ITIH3: variants seen among roughly 807,000 people sequenced by gnomAD.
ITIH3 encodes the protein inter-alpha-trypsin inhibitor heavy chain 3.
A neutral mutation model predicts 96.5 loss-of-function variants in ITIH3; 81 were observed. The ratio of observed to expected loss-of-function variants is 0.84; its 90% CI spans 0.70 to 1.01. ITIH3 has a LOEUF of 1.01. Ranked by LOEUF, ITIH3 falls within the 50% of genes least tolerant of loss-of-function variation. The pLI is 0.00. For synonymous variants in ITIH3, 422 were observed against 445.2 expected (o/e 0.95, Z 0.66); for missense variants, 1,057 against 1,139.3 (o/e 0.93, Z 1.04).
intron 21 of ITIH3, 89 bp from the exon 22 acceptor site, chr3:52,808,463 A>G: frequency 6.5e-7 from 1 of 1,548,996 alleles, no homozygotes; most frequent in Non-Finnish European, 8.9e-7. Flanking sequence ...AGAATTGCCA[A>G]CTTCCCACCC....
At chr3:52,800,711 G>A in intron 10 of ITIH3, 48 bp downstream of exon 10, 1 of 1,581,022 alleles carries the variant, frequency 6.3e-7, no homozygotes, top group Non-Finnish European at 8.6e-7. Context: ...GTGCTTGGCT[G>A]CTGCTCCTGG....
At chr3:52,799,527 T>C (rs777335823) in intron 8 of ITIH3, 39 bp downstream of exon 8, 5 of 1,453,622 alleles carry the variant, frequency 3.4e-6, no homozygotes, top group Admixed American at 2.2e-5. Flanking sequence ...CTCGGGGTAG[T>C]AGGGGGTGGA....
In ITIH3 at chr3:52,803,967, G is replaced by A. The variant is rs748408001; in HGVS notation, c.1822G>A (p.Asp608Asn). 4 of 1,613,708 alleles carry A rather than the reference G, an allele frequency of 2.5e-6. No homozygotes were observed. The highest frequency in any genetic ancestry group is 3.4e-6 in the Non-Finnish European group (4 of 1,179,840). Residue 608 changes from aspartate (D) to asparagine (N), a missense_variant, in exon 14 of 22, where the codon GAC becomes AAC. Transcript: ENST00000449956. ...CTCAATGGTGGTGACCAAGCCTGAG[G>A]ACAACGAGGATGAGAGGGCCATTGC... The part of the protein sequence containing the change: ...LTSMVVTKPE[D>N]NEDERAIADK...
chr3:52,799,472 G>A lies in ITIH3; in HGVS notation c.890G>A (p.Gly297Asp). The A allele has an allele frequency of 2.5e-6, 4 of 1,609,956 alleles. No homozygotes were observed. The highest frequency in any genetic ancestry group is 3.4e-6 in the Non-Finnish European group (4 of 1,178,358). The change falls in exon 8 of 22, where the codon GGT (glycine) becomes GAT (aspartate). Residue 297 changes from glycine (G) to aspartate (D), a missense_variant. Coordinates refer to ENST00000449956, the MANE Select transcript of ITIH3 (RefSeq NM_002217.4). The part of the protein sequence containing the change: ...FVIDISGSMA[G>D]RKLEQTKEAL... ...ATTGACATCAGCGGCTCCATGGCTG[G>A]TCGGAAATTAGAGCAGGTAATCAGC...
At position 52,808,110 on chromosome 3, in the gene ITIH3, G is replaced by C. The variant is rs1479733836; in HGVS notation, c.2432G>C (p.Gly811Ala). 2 of 1,613,964 alleles carry C rather than the reference G, an allele frequency of 1.2e-6. No homozygotes were observed. Residue 811 changes from glycine to alanine, a missense_variant and splice_region_variant, in exon 21 of 22, where the codon GGG becomes GCG. Coordinates refer to ENST00000449956, the MANE Select transcript of ITIH3 (RefSeq NM_002217.4). ...ACAGCATGAATATTTTTCTTCCCAG[G>C]GCAATTCTTCCAACCCTTTGACTTT... ...RMSAQTHGLLGQFFQPFDFKV... is the reference protein window; with the variant it reads ...RMSAQTHGLLAQFFQPFDFKV...
At chr3:52,802,548 C>T (rs1699877394) in intron 12 of ITIH3, 29 bp downstream of exon 12, 1 of 1,612,358 alleles carries the variant, frequency 6.2e-7, no homozygotes, top group African/African-American at 1.3e-5. Flanking sequence ...TGGAAGTGTG[C>T]TGGGGATGGG....
At position 52,806,308 on chromosome 3, in the gene ITIH3, A is replaced by G. The variant is rs1172299203; in HGVS notation, c.1958A>G (p.His653Arg). 1.9e-6 allele frequency: 3 copies of G among 1,613,648 alleles called. No homozygotes were observed. The African/African-American group carries it at 4.0e-5, about 22-fold the overall frequency. ...GTGTCACCAGTGGACGGGGATCCCC[A>G]CTTCATCATCCAAATTCCGGAGAAA... Reference protein sequence around the residue: ...NPYYYVDGDPHFIIQIPEKDD... With the variant: ...NPYYYVDGDPRFIIQIPEKDD... The change falls in exon 18 of 22, where the codon CAC becomes CGC. Residue 653 changes from histidine to arginine, a missense_variant. Physicochemically the swap from His to Arg is conservative, Grantham distance 29 (BLOSUM62 0). Coordinates refer to ENST00000449956, the MANE Select transcript of ITIH3 (RefSeq NM_002217.4).
chr3:52,806,467 C>T (rs982919973), intron 18 of ITIH3, 61 bp downstream of exon 18: 18 of 1,290,726 alleles, frequency 1.4e-5, no homozygotes, highest in South Asian at 2.6e-5. Context: ...TTGGGTCCCC[C>T]GAGGTAGGCA....
At position 52,801,165 on chromosome 3, in the gene ITIH3, A is replaced by G. The variant is rs1274528840; in HGVS notation, c.1383+19A>G. 1 of 1,534,188 alleles carries G rather than the reference A, an allele frequency of 6.5e-7. No homozygotes were observed. Among genetic ancestry groups the G allele is most frequent in the Non-Finnish European group, 8.8e-7 (1 of 1,142,192 alleles). ...GTTGCAGGTATGCCTTGTCTTGCACACTTCCGGGCATAAGGAGCTCACTAC... is the reference window on the plus strand; with the variant it reads ...GTTGCAGGTATGCCTTGTCTTGCACGCTTCCGGGCATAAGGAGCTCACTAC... On this transcript the variant is annotated intron_variant, in intron 11 of 21. Coordinates refer to ENST00000449956, the MANE Select transcript of ITIH3 (RefSeq NM_002217.4).
Position 52,796,788 on chromosome 3 carries a change from G to A in ITIH3, c.331G>A (p.Ala111Thr). Residue 111 changes from alanine (A) to threonine (T), a missense_variant, in exon 4 of 22, where the codon GCC (alanine) becomes ACC (threonine). Transcript: ENST00000449956. ...YPGNVKEKEVAKKQYEKAVSQ... is the reference protein window; with the variant it reads ...YPGNVKEKEVTKKQYEKAVSQ... ...TGGGAATGTCAAGGAGAAGGAAGTT[G>A]CCAAGAAGCAGTATGAAAAGGCTGT... is the stretch of plus-strand genomic sequence containing the variant. The A allele has an allele frequency of 6.2e-7, 1 of 1,613,060 alleles. No homozygotes were observed. Among genetic ancestry groups the A allele is most frequent in the Non-Finnish European group, 8.5e-7 (1 of 1,179,550 alleles).
Position 52,802,323 on chromosome 3 carries a change from G to A in ITIH3, c.1384-11G>A. 1 of 1,613,342 alleles carries A rather than the reference G, an allele frequency of 6.2e-7. No homozygotes were observed. Among genetic ancestry groups the A allele is most frequent in the Non-Finnish European group, 8.5e-7 (1 of 1,179,662 alleles). On this transcript the variant is annotated splice_polypyrimidine_tract_variant and intron_variant, in intron 11 of 21. Coordinates refer to ENST00000449956, the MANE Select transcript of ITIH3 (RefSeq NM_002217.4). ...TGGGGCTTGAGATGACTGGCCCCGT[G>A]CGAACTTCAGGGCTTCTATGAGGAG...
intron 6 of ITIH3, 124 bp downstream of exon 6, chr3:52,798,054 C>T (rs1699665155): frequency 3.2e-6 from 2 of 632,240 alleles, no homozygotes; most frequent in Admixed American, 2.6e-5. Flanking sequence ...GGCTGGGGAT[C>T]AATCTGCAAC....
chr3:52,799,119 G>C (rs1333374241), intron 7 of ITIH3, 28 bp downstream of exon 7: 1 of 1,611,706 alleles, frequency 6.2e-7, no homozygotes, highest in East Asian at 2.2e-5. Flanking sequence ...TTCATCATCA[G>C]GGTGGGGCGA....
rs753382771 is a variant in ITIH3 at position 52,805,619 on chromosome 3, C to A, written c.1874-189C>A. On this transcript the variant is annotated intron_variant, in intron 15 of 21. Transcript: ENST00000449956. ...CGTTAAAATCACATCCCATTGCCACCAGCCCCATAAAGGGCTTCCCTGGAC... is the reference window on the plus strand; with the variant it reads ...CGTTAAAATCACATCCCATTGCCACAAGCCCCATAAAGGGCTTCCCTGGAC... 2.6e-5 allele frequency: 36 copies of A among 1,404,888 alleles called. 1 individual carries two copies. The highest frequency in any genetic ancestry group is 3.2e-5 in the Non-Finnish European group (35 of 1,079,238). The allele number at this position is 1,404,888 out of a possible 1,614,324, so 87.0% of individuals were successfully genotyped here. A position where few individuals can be genotyped will look rare whatever the true frequency, so the allele number is the denominator to read the frequency against.
In ITIH3 at chr3:52,797,181, A is replaced by T; in HGVS notation, c.463A>T (p.Thr155Ser). The change falls in exon 5 of 22, where the codon ACC (threonine) becomes TCC (serine). Residue 155 changes from threonine to serine, a missense_variant. Physicochemically the swap from Thr to Ser is moderately conservative, Grantham distance 58 (BLOSUM62 1). Coordinates refer to ENST00000449956, the MANE Select transcript of ITIH3 (RefSeq NM_002217.4). The stretch of plus-strand genomic sequence containing the variant: ...AGGCAGCAAAGTCACCTTCGAGCTA[A>T]CCTACGAGGAGCTGCTGAAGAGGCA... ...AAGSKVTFEL[T>S]YEELLKRHKG... The T allele has an allele frequency of 1.9e-6, 3 of 1,609,220 alleles. No homozygotes were observed. The highest frequency in any genetic ancestry group is 2.5e-6 in the Non-Finnish European group (3 of 1,177,952).
At chr3:52,804,293 G>A (rs1222705019) in intron 14 of ITIH3, 1 of 491,792 alleles carries the variant, frequency 2.0e-6, no homozygotes, top group East Asian at 3.5e-5. Flanking sequence ...TGAGGCTGCA[G>A]CATGGAAGGG....
Position 52,802,438 on chromosome 3 carries a change from C to T in ITIH3, c.1488C>T (p.Tyr496=), listed in dbSNP as rs1225576330. 4.0e-5 allele frequency: 64 copies of T among 1,613,868 alleles called. No homozygotes were observed. Among genetic ancestry groups the T allele is most frequent in the Non-Finnish European group, 4.9e-5 (58 of 1,179,890 alleles). Reference sequence around the variant, plus strand: ...CCCAGAACACTTACCAGCACTTCTACGATGGCTCTGAGATCGTGGTGGCCG... The same window carrying T: ...CCCAGAACACTTACCAGCACTTCTATGATGGCTCTGAGATCGTGGTGGCCG... The part of the protein sequence containing the change: ...DLTQNTYQHF[Y]DGSEIVVAGR... Residue 496 remains tyrosine, a synonymous_variant, in exon 12 of 22, where the codon TAC becomes TAT. Coordinates refer to ENST00000449956, the MANE Select transcript of ITIH3 (RefSeq NM_002217.4).
intron 6 of ITIH3, 85 bp downstream of exon 6, chr3:52,798,015 C>A: frequency 1.3e-6 from 1 of 785,008 alleles, no homozygotes. Flanking sequence ...TAGGGCTTAG[C>A]TGCTGCAAGC....
chr3:52,802,179 A>G, intron 11 of ITIH3, 155 bp from the exon 12 acceptor site: 5 of 645,972 alleles, frequency 7.7e-6, no homozygotes, highest in Non-Finnish European at 1.0e-5. Flanking sequence ...TGCCGGGGGG[A>G]GGCCCCCACA....
Sources: gnomAD v4.1 joint callset for allele counts on GRCh38, gnomAD v4.1.1 for gene constraint, MANE v1.5 for transcripts, NCBI Gene and HGNC (gene_info 2026-07-23, HGNC 2026-07-21) for gene names.